The following RTRAF variants were observed in gnomAD, a reference collection of about 807,000 sequenced individuals.
RTRAF encodes RNA transcription, translation and transport factor, also known as tRNA-splicing ligase complex subunit RTRAF.
RTRAF carries 14 observed loss-of-function variants against 34.4 expected under a neutral mutation model. That is an observed-to-expected ratio of 0.41 (90% CI 0.27 to 0.64). The LOEUF (loss-of-function observed/expected upper bound fraction) is 0.64, where lower values mean the gene tolerates loss of function less well. RTRAF is among the 30% of genes least tolerant of loss of function. The pLI is 0.34. For synonymous variants in RTRAF, 96 were observed against 95.3 expected, an observed-to-expected ratio of 1.01 and a Z score of -0.04; for missense variants, 291 against 288.4, an observed-to-expected ratio of 1.01 and a Z score of -0.06.
intron 6 of RTRAF, 42 bp from the exon 7 acceptor site, chr14:52,004,149 ATTC>A (rs1890661922): frequency 6.5e-7 from 1 of 1,528,172 alleles, no homozygotes. Flanking sequence ...AAAGGATGCT[ATTC>A]TTAACCATAA....
At position 52,005,638 on chromosome 14, in the gene RTRAF, A is replaced by G. The variant is rs1024042927; in HGVS notation, c.*1122A>G. The G allele has an allele frequency of 1.5e-5, 20 of 1,367,980 alleles. No homozygotes were observed. The highest frequency in any genetic ancestry group is 4.3e-5 in the African/African-American group (3 of 70,014). 84.7% of individuals were successfully genotyped at this position (1,367,980 alleles called of 1,614,324 possible). A position where few individuals can be genotyped will look rare whatever the true frequency, so the allele number is the denominator to read the frequency against. On this transcript the variant is annotated 3_prime_UTR_variant, in exon 8 of 8. Coordinates refer to ENST00000261700, the MANE Select transcript of RTRAF (RefSeq NM_016039.3). Reference sequence around the variant, plus strand: ...TGGCCCTCAGGGCAGGAAGAAGGCAATGGTGGCAGTGTCACAGGCAGCAGG... The same window carrying G: ...TGGCCCTCAGGGCAGGAAGAAGGCAGTGGTGGCAGTGTCACAGGCAGCAGG...
At chr14:52,004,091 A>AGAGTT (rs1349188483) in intron 6 of RTRAF, 103 bp from the exon 7 acceptor site, 2 of 976,582 alleles carry the variant, frequency 2.0e-6, no homozygotes, top group Non-Finnish European at 3.2e-6. Context: ...TGCAGCTAAA[A>AGAGTT]GAGTTAAGAC....
At chr14:52,004,270 A>ATTTT in intron 7 of RTRAF, 28 bp downstream of exon 7, 1 of 1,588,670 alleles carries the variant, frequency 6.3e-7, no homozygotes. Flanking sequence ...AATTCAAACT[A>ATTTT]TTTTTTTTAC....
Position 52,002,898 on chromosome 14 carries a change from G to A in RTRAF, c.531+1032G>A, listed in dbSNP as rs189537112. Reference sequence around the variant, plus strand: ...TTCTTTTAAAGGTTCTTACTGGCTCGTTGTATATGAATCGAGCCACTGGAA... The same window carrying A: ...TTCTTTTAAAGGTTCTTACTGGCTCATTGTATATGAATCGAGCCACTGGAA... On this transcript the variant is annotated intron_variant, in intron 6 of 7. Coordinates refer to ENST00000261700, the MANE Select transcript of RTRAF (RefSeq NM_016039.3). Among the ~76,000 whole-genome samples, 55 of 152,274 alleles carry A rather than the reference G, an allele frequency of 3.6e-4. No individual in the cohort carries two copies. The South Asian group carries it at 6.8e-3, about 19-fold the overall frequency.
Position 52,006,531 on chromosome 14 carries a change from G to T in RTRAF, c.*2015G>T, listed in dbSNP as rs1566737747. ...TTCAGGCTTGTCCAGAATTTGTGGG[G>T]CTCACCTCCTCCAGTCTGTGTGGTA... On this transcript the variant is annotated 3_prime_UTR_variant, in exon 8 of 8. Transcript: ENST00000261700. The T allele has an allele frequency of 1.2e-6, 2 of 1,613,354 alleles. No individual in the cohort carries two copies. The highest frequency in any genetic ancestry group is 1.7e-6 in the Non-Finnish European group (2 of 1,179,450).
Position 52,005,279 on chromosome 14 carries a change from A to T in RTRAF, c.*763A>T, listed in dbSNP as rs1355137522. ...TCTGTTACCTTTTTAAACTTGCAAT[A>T]ACAACCTTCATTTTTAAAAATACAG... is the stretch of plus-strand genomic sequence containing the variant. On this transcript the variant is annotated 3_prime_UTR_variant, in exon 8 of 8. Transcript: ENST00000261700. The T allele has an allele frequency of 2.4e-6, 1 of 410,848 alleles. No individual in the cohort carries two copies. The highest frequency in any genetic ancestry group is 4.3e-6 in the Non-Finnish European group (1 of 235,052). 25.5% of individuals were successfully genotyped at this position (410,848 alleles called of 1,614,324 possible).
chr14:51,991,396 T>C lies in RTRAF; in HGVS notation c.141T>C (p.Asn47=), dbSNP rs188526168. 1 of 1,613,590 alleles carries C rather than the reference T, an allele frequency of 6.2e-7. No homozygotes were observed. The highest frequency in any genetic ancestry group is 1.7e-5 in the Admixed American group (1 of 60,004). ...ACTACAAGATTGAAGACAGAGGGAA[T>C]TTAAGAAACATCCACAGCAGCGACT... ...IRHYKIEDRG[N]LRNIHSSDWP... is the part of the protein sequence containing the mutation. Residue 47 remains asparagine (N), a synonymous_variant, in exon 2 of 8, where the codon AAT becomes AAC. Transcript: ENST00000261700.
In RTRAF at chr14:52,005,661, A is replaced by G. The variant is rs1890745499; in HGVS notation, c.*1145A>G. 29 of 1,384,014 alleles carry G rather than the reference A, an allele frequency of 2.1e-5. No homozygotes were observed. Among genetic ancestry groups the G allele is most frequent in the Non-Finnish European group, 3.0e-5 (29 of 971,920 alleles). 85.7% of individuals were successfully genotyped at this position (1,384,014 alleles called of 1,614,324 possible). On this transcript the variant is annotated 3_prime_UTR_variant, in exon 8 of 8. Transcript: ENST00000261700. ...CAATGGTGGCAGTGTCACAGGCAGCAGGGGTAATCAAATACCATATATATC... is the reference window on the plus strand; with the variant it reads ...CAATGGTGGCAGTGTCACAGGCAGCGGGGGTAATCAAATACCATATATATC...
Position 52,006,347 on chromosome 14 carries a change from GGAT to G in RTRAF, c.*1835_*1837del, listed in dbSNP as rs1890781889. Reference sequence around the variant, plus strand: ...CATTCGATTTCTGGGTGAAGTAAAAGGATGATTTCAAAAACATGAAAGGATGAA... The same window carrying G: ...CATTCGATTTCTGGGTGAAGTAAAAGGATTTCAAAAACATGAAAGGATGAA... On this transcript the variant is annotated 3_prime_UTR_variant, in exon 8 of 8. Coordinates refer to ENST00000261700, the MANE Select transcript of RTRAF (RefSeq NM_016039.3). 1.7e-6 allele frequency: 1 copy of G among 595,494 alleles called. No individual in the cohort carries two copies. The highest frequency in any genetic ancestry group is 2.9e-6 in the Non-Finnish European group (1 of 341,662). The allele number at this position is 595,494 out of a possible 1,614,324, so 36.9% of individuals were successfully genotyped here. A position where few individuals can be genotyped will look rare whatever the true frequency, so the allele number is the denominator to read the frequency against.
chr14:52,005,265 T>TTTAAACTTGCAATAAC lies in RTRAF; in HGVS notation c.*750_*765dup. The TTTAAACTTGCAATAAC allele has an allele frequency of 5.1e-6, 2 of 395,890 alleles. No homozygotes were observed. The highest frequency in any genetic ancestry group is 2.5e-4 in the South Asian group (2 of 7,850). 24.5% of individuals were successfully genotyped at this position (395,890 alleles called of 1,614,324 possible). On this transcript the variant is annotated 3_prime_UTR_variant, in exon 8 of 8. Transcript: ENST00000261700. ...GCAACAGTTAAAATTCTGTTACCTT[T>TTTAAACTTGCAATAAC]TTAAACTTGCAATAACAACCTTCAT... is the stretch of plus-strand genomic sequence containing the variant.
Position 52,004,212 on chromosome 14 carries a change from G to GACAA in RTRAF, c.554_557dup (p.His186GlnfsTer7). 6.2e-7 allele frequency: 1 copy of GACAA among 1,613,268 alleles called. No individual in the cohort carries two copies. The highest frequency in any genetic ancestry group is 8.5e-7 in the Non-Finnish European group (1 of 1,179,484). On this transcript the variant is annotated frameshift_variant, in exon 7 of 8. Transcript: ENST00000261700. LOFTEE classifies it high-confidence loss of function. ...TTTAAAGGGCTTACCTGTTGCTTTA[G>GACAA]ACAAACATATTCTTGGTTTTGACAC...
In RTRAF at chr14:52,009,076, T is replaced by A. The variant is rs567616761; in HGVS notation, c.*4560T>A. ...GCTATAGAAGCTTTGAATAAATCAG[T>A]TGGGCTACAGAGAACCTCAGTGAGA... On this transcript the variant is annotated 3_prime_UTR_variant, in exon 8 of 8. Transcript: ENST00000261700. The A allele has an allele frequency of 1.1e-4, 17 of 152,300 alleles. No homozygotes were observed. Among genetic ancestry groups the A allele is most frequent in the African/African-American group, 3.6e-4 (15 of 41,544 alleles). 9.4% of individuals were successfully genotyped at this position (152,300 alleles called of 1,614,324 possible).
chr14:51,993,658 A>G (rs1566731614), intron 2 of RTRAF, 65 bp from the exon 3 acceptor site: 2 of 977,990 alleles, frequency 2.0e-6, no homozygotes, highest in Non-Finnish European at 1.6e-6. Flanking sequence ...CAACTCTCCC[A>G]TTCTTTTTTC....
In RTRAF at chr14:52,005,840, A is replaced by G. The variant is rs746379744; in HGVS notation, c.*1324A>G. On this transcript the variant is annotated 3_prime_UTR_variant, in exon 8 of 8. Transcript: ENST00000261700. ...GGCCACTATGTTTATTTACTGATACAACACCATCCCTGGTAACAGAAAGGA... is the reference window on the plus strand; with the variant it reads ...GGCCACTATGTTTATTTACTGATACGACACCATCCCTGGTAACAGAAAGGA... 1.2e-6 allele frequency: 2 copies of G among 1,607,802 alleles called. No homozygotes were observed. The highest frequency in any genetic ancestry group is 1.7e-5 in the Admixed American group (1 of 60,000).
At chr14:52,000,770 C>T (rs747622612) in intron 5 of RTRAF, among the ~76,000 whole-genome samples, 6 of 151,998 alleles carry the variant, frequency 3.9e-5, no homozygotes, top group Non-Finnish European at 7.4e-5. Context: ...TTCTTTATTC[C>T]GACAATTATG....
In RTRAF at chr14:52,005,645, C is replaced by T; in HGVS notation, c.*1129C>T. 7.4e-7 allele frequency: 1 copy of T among 1,349,230 alleles called. No homozygotes were observed. The highest frequency in any genetic ancestry group is 1.1e-6 in the Non-Finnish European group (1 of 942,364). The allele number at this position is 1,349,230 out of a possible 1,614,324, so 83.6% of individuals were successfully genotyped here. ...CAGGGCAGGAAGAAGGCAATGGTGG[C>T]AGTGTCACAGGCAGCAGGGGTAATC... is the stretch of plus-strand genomic sequence containing the variant. On this transcript the variant is annotated 3_prime_UTR_variant, in exon 8 of 8. Transcript: ENST00000261700.
chr14:52,001,681 A>G, intron 5 of RTRAF, 117 bp from the exon 6 acceptor site: 4 of 718,512 alleles, frequency 5.6e-6, no homozygotes, highest in Non-Finnish European at 9.2e-6. Flanking sequence ...GAGTTTATTA[A>G]TGAACTTAGG....
chr14:52,004,324 A>T (rs1162227197), intron 7 of RTRAF, 38 bp from the exon 8 acceptor site: 3 of 1,609,988 alleles, frequency 1.9e-6, no homozygotes, highest in South Asian at 1.1e-5. Context: ...AAATGTAAAA[A>T]TTATGTATTG....
rs111361886 is a variant in RTRAF at position 52,006,250 on chromosome 14, T to G, written c.*1734T>G. ...AGTCTTATTCTCTAAAGAACATATT[T>G]AGATTAATATGCTCCCTTTTGAGAC... is the stretch of plus-strand genomic sequence containing the variant. On this transcript the variant is annotated 3_prime_UTR_variant, in exon 8 of 8. Coordinates refer to ENST00000261700, the MANE Select transcript of RTRAF (RefSeq NM_016039.3). The G allele has an allele frequency of 3.8e-4, 153 of 406,388 alleles. No homozygotes were observed. The highest frequency in any genetic ancestry group is 2.7e-3 in the African/African-American group (134 of 50,158). The allele number at this position is 406,388 out of a possible 1,614,324, so 25.2% of individuals were successfully genotyped here. A position where few individuals can be genotyped will look rare whatever the true frequency, so the allele number is the denominator to read the frequency against.
Sources: gnomAD v4.1 joint callset for allele counts (sites outside exome capture counted in the v4.1 genomes callset) on GRCh38, gnomAD v4.1.1 for gene constraint, MANE v1.5 for transcripts, NCBI Gene and HGNC (gene_info 2026-07-23, HGNC 2026-07-21) for gene names.